Variants in XRN2 observed in about 807,000 individuals in gnomAD.
The protein encoded by XRN2 is DHM1-like protein.
XRN2 carries 44 observed loss-of-function variants against 138.5 expected under a neutral mutation model. The ratio of observed to expected loss-of-function variants is 0.32; its 90% CI spans 0.25 to 0.41. The LOEUF is 0.41. XRN2 is among the 10% of genes least tolerant of loss of function. XRN2 has a pLI of 1.00. For synonymous variants in XRN2, 354 were observed against 369.4 expected (o/e 0.96, Z 0.48); for missense variants, 937 against 1,169.3 (o/e 0.80, Z 2.90).
chr20:21,371,909 T>G (rs1412726346), intron 27 of XRN2, among the ~76,000 whole-genome samples: 2 of 152,296 alleles, frequency 1.3e-5, no homozygotes, highest in Non-Finnish European at 2.9e-5. Context: ...TCTGTGTATT[T>G]TATTTCAAAT....
intron 16 of XRN2, 51 bp downstream of exon 16, chr20:21,344,259 C>A: frequency 7.3e-7 from 1 of 1,369,578 alleles, no homozygotes; most frequent in Non-Finnish European, 1.0e-6. Flanking sequence ...GAAATAGATG[C>A]AGTCTAATTA....
intron 27 of XRN2, among the ~76,000 whole-genome samples, chr20:21,375,810 T>TTGTA (rs2038813923): frequency 2.7e-5 from 4 of 146,994 alleles, no homozygotes; most frequent in South Asian, 4.2e-4. Flanking sequence ...TACCAGGTGT[T>TTGTA]TTTATTTATT....
intron 1 of XRN2, 152 bp downstream of exon 1, chr20:21,303,625 A>G (rs1163872891): frequency 7.3e-7 from 1 of 1,363,230 alleles, no homozygotes; most frequent in Non-Finnish European, 9.4e-7. Flanking sequence ...CCCACACGCG[A>G]TGGGACGCGG....
At chr20:21,386,503 C>G (rs1400718911) in intron 28 of XRN2, among the ~76,000 whole-genome samples, 1 of 152,218 alleles carries the variant, frequency 6.6e-6, no homozygotes, top group Non-Finnish European at 1.5e-5. Context: ...CCTCATTCTC[C>G]TGTCTTGTAC....
chr20:21,351,318 TGTG>T (rs2038507808), intron 20 of XRN2, among the ~76,000 whole-genome samples: 1 of 152,194 alleles, frequency 6.6e-6, no homozygotes, highest in Non-Finnish European at 1.5e-5. Context: ...GGTATTTCAT[TGTG>T]GTGGCGATTT....
At chr20:21,332,157 G>C in intron 8 of XRN2, 126 bp from the exon 9 acceptor site, 4 of 1,180,674 alleles carry the variant, frequency 3.4e-6, no homozygotes, top group Non-Finnish European at 4.7e-6. Flanking sequence ...GTCAAGCTTT[G>C]GGGCTTTGCT....
chr20:21,359,165 A>G (rs183613299), intron 24 of XRN2, among the ~76,000 whole-genome samples: 1 of 152,216 alleles, frequency 6.6e-6, no homozygotes, highest in Admixed American at 6.5e-5. Flanking sequence ...GATGATGATG[A>G]TGTTGGTTGG....
At chr20:21,376,268 T>C (rs1012822678) in intron 27 of XRN2, among the ~76,000 whole-genome samples, 35 of 152,192 alleles carry the variant, frequency 2.3e-4, no homozygotes, top group African/African-American at 8.2e-4. Flanking sequence ...GGTGAGAGGA[T>C]TGGTTGAGCC....
At chr20:21,383,337 T>G (rs2038905869) in intron 28 of XRN2, among the ~76,000 whole-genome samples, 1 of 152,242 alleles carries the variant, frequency 6.6e-6, no homozygotes, top group Admixed American at 6.5e-5. Context: ...TCTATCTTAT[T>G]GCTCACTTTC....
chr20:21,385,869 G>C (rs183434531), intron 28 of XRN2, among the ~76,000 whole-genome samples: 16 of 152,286 alleles, frequency 1.1e-4, no homozygotes, highest in African/African-American at 3.9e-4. Context: ...TGAATTTAAA[G>C]TTTTATTGAA....
chr20:21,332,163 TTGCTG>T lies in XRN2; in HGVS notation c.701-119_701-115del, dbSNP rs1376070033. ...CCAGGAAGTGTCAAGCTTTGGGGCT[TTGCTG>T]CTCATTTGGGTGCTCATTTGGGCTT... On this transcript the variant is annotated intron_variant, in intron 8 of 29. Transcript: ENST00000377191. The T allele has an allele frequency of 5.6e-6, 7 of 1,246,214 alleles. No homozygotes were observed. In the African/African-American group the frequency reaches 1.1e-4, roughly 19 times the overall value. 77.2% of individuals were successfully genotyped at this position (1,246,214 alleles called of 1,614,324 possible).
rs961818861 is a variant in XRN2, at chr20:21,330,850, T to G, written c.576+145T>G. The G allele has an allele frequency of 1.6e-5, 13 of 790,568 alleles. No individual in the cohort carries two copies. In the African/African-American group the frequency reaches 2.3e-4, roughly 14 times the overall value. 49.0% of individuals were successfully genotyped at this position (790,568 alleles called of 1,614,324 possible). A position where few individuals can be genotyped will look rare whatever the true frequency, so the allele number is the denominator to read the frequency against. ...AAGAAAGAAAAGCTTCCAGGGTTTT[T>G]GGAGATGGGGTATCCTTGCATGGTT... On this transcript the variant is annotated intron_variant, in intron 6 of 29. Transcript: ENST00000377191.
At chr20:21,344,976 T>G (rs1300583094) in intron 16 of XRN2, among the ~76,000 whole-genome samples, 1 of 152,230 alleles carries the variant, frequency 6.6e-6, no homozygotes, top group Non-Finnish European at 1.5e-5. Context: ...AGCTCATGCT[T>G]CTTTTACAGG....
At chr20:21,315,544 G>C in intron 1 of XRN2, among the ~76,000 whole-genome samples, 1 of 152,076 alleles carries the variant, frequency 6.6e-6, no homozygotes, top group South Asian at 2.1e-4. Context: ...CCGGGCTGGA[G>C]GGCAGTGGCA....
In XRN2 at chr20:21,331,713, A is replaced by G. The variant is rs868867628; in HGVS notation, c.650-55A>G. On this transcript the variant is annotated intron_variant, in intron 7 of 29. Coordinates refer to ENST00000377191, the MANE Select transcript of XRN2 (RefSeq NM_012255.5). ...CATAGAAAATACTTGGTATGAAGTGATATTCTTGTGGTATATAATATATTA... is the reference window on the plus strand; with the variant it reads ...CATAGAAAATACTTGGTATGAAGTGGTATTCTTGTGGTATATAATATATTA... 8.8e-6 allele frequency: 14 copies of G among 1,591,986 alleles called. No homozygotes were observed. In the African/African-American group the frequency reaches 1.5e-4, roughly 17 times the overall value.
chr20:21,346,002 T>C (rs1187454312), intron 16 of XRN2, among the ~76,000 whole-genome samples: 2 of 152,220 alleles, frequency 1.3e-5, no homozygotes, highest in African/African-American at 4.8e-5. Context: ...ACTTTCTTTG[T>C]ATGGTTTAAA....
At chr20:21,377,624 T>TTAC (rs1409900143) in intron 27 of XRN2, among the ~76,000 whole-genome samples, 4 of 152,050 alleles carry the variant, frequency 2.6e-5, no homozygotes, top group Non-Finnish European at 4.4e-5. Flanking sequence ...TGTGATCTTG[T>TTAC]TACTTCTAGA....
Position 21,348,224 on chromosome 20 carries a change from C to T in XRN2, c.1744C>T (p.Pro582Ser). ...ASDFEGIADM[P>S]SDFEKGTKPF... ...AGACTTTGAAGGCATTGCAGACATGCCATCTGATTTTGAGAAGGGTACGAA... is the reference window on the plus strand; with the variant it reads ...AGACTTTGAAGGCATTGCAGACATGTCATCTGATTTTGAGAAGGGTACGAA... Residue 582 changes from proline to serine, a missense_variant, in exon 18 of 30, where the codon CCA (proline) becomes TCA (serine). Physicochemically the swap from Pro to Ser is moderately conservative, Grantham distance 74 (BLOSUM62 -1). This residue lies in a region of XRN2 where 471 missense variants were observed against 581.2 expected (regional missense o/e 0.81). Transcript: ENST00000377191. 2 of 1,613,894 alleles carry T rather than the reference C, an allele frequency of 1.2e-6. No homozygotes were observed. Among genetic ancestry groups the T allele is most frequent in the Non-Finnish European group, 1.7e-6 (2 of 1,179,948 alleles).
intron 13 of XRN2, 27 bp from the exon 14 acceptor site, chr20:21,339,017 C>T: frequency 6.3e-7 from 1 of 1,581,734 alleles, no homozygotes; most frequent in Non-Finnish European, 8.6e-7. Flanking sequence ...AATTATTTGA[C>T]AGAATATGTG....
Sources: allele counts gnomAD v4.1 joint callset (sites outside exome capture counted in the v4.1 genomes callset), GRCh38; gene constraint gnomAD v4.1.1; regional missense constraint gnomAD v4.1.1; transcripts MANE v1.5; gene names NCBI Gene and HGNC (gene_info 2026-07-23, HGNC 2026-07-21).